MAGED1: variants seen among roughly 807,000 people sequenced by gnomAD.
The protein encoded by MAGED1 is melanoma-associated antigen D1.
MAGED1 carries 3 observed loss-of-function variants against 54.1 expected under a neutral mutation model. The ratio of observed to expected loss-of-function variants is 0.06; its 90% CI spans 0.03 to 0.14. The LOEUF (loss-of-function observed/expected upper bound fraction) is 0.14. Ranked by LOEUF, MAGED1 falls within the 10% of genes least tolerant of loss-of-function variation. The pLI, the probability that MAGED1 is intolerant of heterozygous loss-of-function variation, is 1.00. For synonymous variants in MAGED1, 217 were observed against 227.3 expected, an observed-to-expected ratio of 0.95 and a Z score of 0.41; for missense variants, 485 against 623.4, an observed-to-expected ratio of 0.78 and a Z score of 2.36.
At chrX:51,866,121 TA>T (rs1557361080) in intron 1 of MAGED1, among the ~76,000 whole-genome samples, 1 of 112,434 alleles carries the variant, frequency 8.9e-6, no homozygotes. Context: ...AATTTGTTTT[TA>T]AAGCTTTGAG....
chrX:51,827,790 A>C lies in MAGED1; in HGVS notation c.-37+24673A>C, dbSNP rs782068327. Among the ~76,000 whole-genome samples the C allele has an allele frequency of 6.3e-5, 7 of 111,970 alleles. No individual in the cohort carries two copies. The South Asian group carries it at 2.6e-3, about 42-fold the overall frequency. The stretch of plus-strand genomic sequence containing the variant: ...CACCTTGCCCCAATCCTCAGGCAAT[A>C]ATAAATGGTTTTGCGGTATCAAAAA... On this transcript the variant is annotated intron_variant, in intron 1 of 12. Coordinates refer to the MAGED1 transcript ENST00000375772.
chrX:51,889,627 C>CAAA (rs1170454113), upstream of MAGED1, among the ~76,000 whole-genome samples: 24 of 16,877 alleles, frequency 1.4e-3, no homozygotes, highest in Admixed American at 3.2e-3. Flanking sequence ...GACTCTGTCT[C>CAAA]AAAAAAAAAA....
At chrX:51,863,780 G>GA (rs1234571352) in intron 1 of MAGED1, among the ~76,000 whole-genome samples, 1 of 111,203 alleles carries the variant, frequency 9.0e-6, no homozygotes, top group African/African-American at 3.3e-5. Flanking sequence ...GTCTTCCTTG[G>GA]AAAAAATGTC....
rs1557361720 is a variant in MAGED1, at chrX:51,872,896, A to C, written c.-36-21373A>C. ...TGAATAACCCATCCCTTATTTAGCAAATAATTAAGAATGGGTATAAATATA... is the reference window on the plus strand; with the variant it reads ...TGAATAACCCATCCCTTATTTAGCACATAATTAAGAATGGGTATAAATATA... On this transcript the variant is annotated intron_variant, in intron 1 of 12. Coordinates refer to the MAGED1 transcript ENST00000375772. Among the ~76,000 whole-genome samples the C allele has an allele frequency of 2.7e-5, 3 of 111,315 alleles. No homozygotes were observed. In the Admixed American group the frequency reaches 2.9e-4, roughly 11 times the overall value.
At chrX:51,811,926 A>G (rs1925233447) in intron 1 of MAGED1, among the ~76,000 whole-genome samples, 1 of 111,067 alleles carries the variant, frequency 9.0e-6, no homozygotes, top group African/African-American at 3.3e-5. Context: ...TAATCAGTCA[A>G]TTAACTAAAA....
chrX:51,825,458 A>G (rs1286630203), intron 1 of MAGED1, among the ~76,000 whole-genome samples: 1 of 112,523 alleles, frequency 8.9e-6, no homozygotes, highest in African/African-American at 3.2e-5. Context: ...GAAGAGGTTG[A>G]CTTCGTAGAG....
At chrX:51,805,653 A>T (rs782313721) in intron 1 of MAGED1, among the ~76,000 whole-genome samples, 1 of 109,120 alleles carries the variant, frequency 9.2e-6, no homozygotes, top group African/African-American at 3.3e-5. Flanking sequence ...TTTAAATAAA[A>T]AATTAAACAA....
intron 3 of MAGED1, 36 bp from the exon 4 acceptor site, chrX:51,896,373 C>G: frequency 8.8e-7 from 1 of 1,139,673 alleles, no homozygotes; most frequent in East Asian, 3.0e-5. Context: ...GACACAGAAC[C>G]CACTGGTGAT....
At chrX:51,846,739 A>G (rs1239702419) in intron 1 of MAGED1, among the ~76,000 whole-genome samples, 5 of 110,744 alleles carry the variant, frequency 4.5e-5, no homozygotes, top group African/African-American at 1.3e-4. Context: ...GGAAGGTACT[A>G]TACACTTTTA....
At chrX:51,837,006 T>C (rs1453853345) in intron 1 of MAGED1, among the ~76,000 whole-genome samples, 4 of 111,650 alleles carry the variant, frequency 3.6e-5, no homozygotes, top group Non-Finnish European at 7.5e-5. Flanking sequence ...CTGAGCTTTG[T>C]CTCCTTACCT....
In MAGED1 at chrX:51,871,391, T is replaced by A. The variant is rs781897095; in HGVS notation, c.-36-22878T>A. 1.7e-3 allele frequency among the ~76,000 whole-genome samples: 187 copies of A among 110,218 alleles called. 1 individual carries two copies. The highest frequency in any genetic ancestry group is 6.1e-3 in the African/African-American group (184 of 30,301). ...GCACCCATTAACTCGTCATTTACATTAGGTATATCTCCTAATGCTATCCCT... is the reference window on the plus strand; with the variant it reads ...GCACCCATTAACTCGTCATTTACATAAGGTATATCTCCTAATGCTATCCCT... On this transcript the variant is annotated intron_variant, in intron 1 of 12. Transcript: ENST00000375772.
intron 1 of MAGED1, among the ~76,000 whole-genome samples, chrX:51,867,707 A>C (rs1288595547): frequency 8.9e-6 from 1 of 112,343 alleles, no homozygotes; most frequent in African/African-American, 3.2e-5. Flanking sequence ...ACTCAGTATT[A>C]ACCATCACAC....
At chrX:51,888,101 A>G (rs1557362969) in intron 1 of MAGED1, among the ~76,000 whole-genome samples, 1 of 111,798 alleles carries the variant, frequency 8.9e-6, no homozygotes, top group Non-Finnish European at 1.9e-5. Flanking sequence ...CTACTACTTG[A>G]TAGCACAATA....
At position 51,895,267 on chromosome X, in the gene MAGED1, G is replaced by C. The variant is rs1296920513; in HGVS notation, c.260G>C (p.Gly87Ala). The C allele has an allele frequency of 2.5e-6, 3 of 1,209,627 alleles. No homozygotes were observed. In the African/African-American group the frequency reaches 5.2e-5, roughly 21 times the overall value. ...AAAGTCCAGAATGCCACCACAAAAG[G>C]CCCAAATGGTGTCTATGATTTCTCT... ...AFKVQNATTK[G>A]PNGVYDFSQA... The change falls in exon 3 of 13, where the codon GGC becomes GCC. Residue 87 changes from glycine (G) to alanine (A), a missense_variant. Around this residue, in one of 2 missense-constraint regions of MAGED1, gnomAD observed 299 missense variants for 293.1 expected, o/e 1.02. Transcript: ENST00000326587.
At position 51,897,188 on chromosome X, in the gene MAGED1, A is replaced by G; in HGVS notation, c.1423-20A>G. On this transcript the variant is annotated intron_variant, in intron 4 of 12. Coordinates refer to ENST00000326587, the MANE Select transcript of MAGED1 (RefSeq NM_006986.4). ...TTGTAAATATTTTATAAGTTTAATG[A>G]TTTCCTTTTTCCCTCCCAGGCAAAT... The G allele has an allele frequency of 8.3e-7, 1 of 1,207,429 alleles. No individual in the cohort carries two copies. The highest frequency in any genetic ancestry group is 1.1e-6 in the Non-Finnish European group (1 of 892,627).
intron 1 of MAGED1, among the ~76,000 whole-genome samples, chrX:51,845,154 C>A (rs782207015): frequency 1.5e-4 from 17 of 111,347 alleles, no homozygotes; most frequent in African/African-American, 4.9e-4. Context: ...ATCGCTTGAA[C>A]GCAGGAGAAT....
chrX:51,838,714 T>C (rs1308122667), intron 1 of MAGED1, among the ~76,000 whole-genome samples: 2 of 111,844 alleles, frequency 1.8e-5, no homozygotes, highest in Non-Finnish European at 3.8e-5. Context: ...AAAAATCATG[T>C]CTTTATGAAA....
At chrX:51,828,668 G>A (rs1035512162) in intron 1 of MAGED1, among the ~76,000 whole-genome samples, 22 of 110,803 alleles carry the variant, frequency 2.0e-4, no homozygotes, top group African/African-American at 3.3e-4. Context: ...CTAGCTTTTC[G>A]GTCTTGTAAG....
Position 51,901,888 on chromosome X carries a change from C to G in MAGED1, c.2295C>G (p.Phe765Leu). Reference sequence around the variant, plus strand: ...CTGGTGGTACAGCCAGTGCCAACTTCGCTGCCAACTTTGGTGCCATTGGTT... The same window carrying G: ...CTGGTGGTACAGCCAGTGCCAACTTGGCTGCCAACTTTGGTGCCATTGGTT... The part of the protein sequence containing the change: ...IGPGGTASAN[F>L]AANFGAIGFF... Residue 765 changes from phenylalanine to leucine, a missense_variant, in exon 12 of 13, where the codon TTC becomes TTG. Around this residue, in one of 2 missense-constraint regions of MAGED1, gnomAD observed 186 missense variants for 330.3 expected, o/e 0.56. Transcript: ENST00000326587. The G allele has an allele frequency of 2.5e-6, 3 of 1,209,375 alleles. No individual in the cohort carries two copies. The highest frequency in any genetic ancestry group is 3.4e-6 in the Non-Finnish European group (3 of 894,673).
Sources: allele counts gnomAD v4.1 joint callset (sites outside exome capture counted in the v4.1 genomes callset), GRCh38; gene constraint gnomAD v4.1.1; regional missense constraint gnomAD v4.1.1; transcripts MANE v1.5; gene names NCBI Gene and HGNC (gene_info 2026-07-23, HGNC 2026-07-21).